The following ELP4 variants were observed in gnomAD, a reference collection of about 807,000 sequenced individuals.
The protein encoded by ELP4 is elongator complex protein 4.
A neutral mutation model predicts 48.9 loss-of-function variants in ELP4; 51 were observed. The observed-to-expected ratio is 1.04, with a 90% confidence interval of 0.83 to 1.32. ELP4 has a LOEUF of 1.32. Ranked by LOEUF, ELP4 falls within the 40% of genes most tolerant of loss-of-function variation. The pLI is 0.00. For missense variants in ELP4, 519 were observed against 514.6 expected (o/e 1.01, Z -0.08); for synonymous variants, 210 against 189.2 (o/e 1.11, Z -0.90).
At chr11:31,772,591 CAG>C (rs1260302174) in intron 9 of ELP4, among the ~76,000 whole-genome samples, 1 of 152,162 alleles carries the variant, frequency 6.6e-6, no homozygotes, top group African/African-American at 2.4e-5. Context: ...TTCTGGCACA[CAG>C]AGTGTAAACT....
At chr11:31,774,426 G>T (rs1484852765) in intron 9 of ELP4, among the ~76,000 whole-genome samples, 1 of 152,132 alleles carries the variant, frequency 6.6e-6, no homozygotes, top group Non-Finnish European at 1.5e-5. Flanking sequence ...AAACAGTTGG[G>T]TATTTTCAAC....
intron 2 of ELP4, among the ~76,000 whole-genome samples, chr11:31,530,035 C>T (rs1465897243): frequency 6.6e-6 from 1 of 152,144 alleles, no homozygotes; most frequent in Non-Finnish European, 1.5e-5. Flanking sequence ...TTCTTACTTT[C>T]CCAGTATAGG....
chr11:31,607,594 C>T (rs753144896), intron 5 of ELP4, among the ~76,000 whole-genome samples: 1 of 152,180 alleles, frequency 6.6e-6, no homozygotes, highest in Non-Finnish European at 1.5e-5. Flanking sequence ...TCTCTTAATA[C>T]TATCACATTG....
intron 3 of ELP4, among the ~76,000 whole-genome samples, chr11:31,560,054 C>G (rs747819072): frequency 2.0e-5 from 3 of 152,012 alleles, no homozygotes; most frequent in South Asian, 2.1e-4. Context: ...TTGCTTGTGT[C>G]CTTTTTCATA....
chr11:31,637,200 C>G (rs1426958301), intron 7 of ELP4: 2 of 151,660 alleles, frequency 1.3e-5, no homozygotes, highest in Non-Finnish European at 2.9e-5. Flanking sequence ...TGTGTACAGC[C>G]CTCCATGTTA....
At chr11:31,587,696 A>G (rs186357212) in intron 3 of ELP4, among the ~76,000 whole-genome samples, 10 of 152,060 alleles carry the variant, frequency 6.6e-5, no homozygotes, top group African/African-American at 2.4e-4. Context: ...TGTTATGGTA[A>G]TATTTTTCTA....
chr11:31,538,065 A>G (rs1956530523), intron 2 of ELP4, among the ~76,000 whole-genome samples: 1 of 152,124 alleles, frequency 6.6e-6, no homozygotes, highest in South Asian at 2.1e-4. Flanking sequence ...GAACTAATTC[A>G]TACACATATT....
chr11:31,708,084 A>T (rs968610555), intron 9 of ELP4, among the ~76,000 whole-genome samples: 1 of 152,148 alleles, frequency 6.6e-6, no homozygotes, highest in Non-Finnish European at 1.5e-5. Flanking sequence ...TCAATTTTTT[A>T]AAAATATCAT....
rs117805916 is a variant in ELP4, at chr11:31,561,927, G to A, written c.381+22144G>A. 2.6e-4 allele frequency among the ~76,000 whole-genome samples: 40 copies of A among 152,212 alleles called. No homozygotes were observed. In the East Asian group the frequency reaches 7.7e-3, roughly 29 times the overall value. ...TTGATATGGGTGAGAAAATAATTATGGAATCTATTATCAGAATGCCTTGAA... is the reference window on the plus strand; with the variant it reads ...TTGATATGGGTGAGAAAATAATTATAGAATCTATTATCAGAATGCCTTGAA... On this transcript the variant is annotated intron_variant, in intron 3 of 9. Coordinates refer to ENST00000640961, the MANE Select transcript of ELP4 (RefSeq NM_019040.5).
chr11:31,720,828 A>G (rs1380224465), intron 9 of ELP4, among the ~76,000 whole-genome samples: 1 of 152,204 alleles, frequency 6.6e-6, no homozygotes, highest in Non-Finnish European at 1.5e-5. Flanking sequence ...GCACTGCAAG[A>G]TAAAGCAAAA....
chr11:31,544,675 T>C (rs905883286), intron 3 of ELP4, among the ~76,000 whole-genome samples: 2 of 152,182 alleles, frequency 1.3e-5, no homozygotes, highest in Non-Finnish European at 2.9e-5. Context: ...CAGCTGGAGA[T>C]CTGAGGATGG....
At chr11:31,571,570 G>A (rs1237221935) in intron 3 of ELP4, among the ~76,000 whole-genome samples, 1 of 152,084 alleles carries the variant, frequency 6.6e-6, no homozygotes, top group African/African-American at 2.4e-5. Flanking sequence ...AATCTTCCCA[G>A]GTTTTCAATT....
chr11:31,685,947 AT>A (rs1347094301), intron 9 of ELP4, among the ~76,000 whole-genome samples: 2 of 148,556 alleles, frequency 1.3e-5, no homozygotes, highest in Non-Finnish European at 3.0e-5. Context: ...AAAAAAAAAA[AT>A]CTTTCCTATA....
At chr11:31,771,674 C>G (rs1948145414) in intron 9 of ELP4, among the ~76,000 whole-genome samples, 1 of 152,110 alleles carries the variant, frequency 6.6e-6, no homozygotes, top group East Asian at 1.9e-4. Flanking sequence ...CTTATGAATC[C>G]CTTCTCAAAA....
At chr11:31,658,108 AT>A (rs1592197727) in intron 9 of ELP4, among the ~76,000 whole-genome samples, 5 of 151,940 alleles carry the variant, frequency 3.3e-5, no homozygotes, top group Admixed American at 6.6e-5. Context: ...ACCACCAACT[AT>A]CTGCCATGCC....
chr11:31,733,418 A>G (rs1318893544), intron 9 of ELP4, among the ~76,000 whole-genome samples: 3 of 144,336 alleles, frequency 2.1e-5, no homozygotes, highest in Non-Finnish European at 3.0e-5. Flanking sequence ...TGGAGGTTGC[A>G]GTGAGCCAAG....
chr11:31,660,416 C>T (rs1945530492), intron 9 of ELP4, among the ~76,000 whole-genome samples: 1 of 152,056 alleles, frequency 6.6e-6, no homozygotes, highest in Non-Finnish European at 1.5e-5. Context: ...AGTGGATTGC[C>T]CTTGTTGATC....
At position 31,790,032 on chromosome 11, in the gene ELP4, G is replaced by A. The variant is rs2134386969; in HGVS notation, c.*6508G>A. 7.5e-7 allele frequency: 1 copy of A among 1,338,684 alleles called. No individual in the cohort carries two copies. Among genetic ancestry groups the A allele is most frequent in the South Asian group, 1.2e-5 (1 of 85,702 alleles). The allele number at this position is 1,338,684 out of a possible 1,614,324, so 82.9% of individuals were successfully genotyped here. On this transcript the variant is annotated 3_prime_UTR_variant, in exon 10 of 10. Coordinates refer to ENST00000640961, the MANE Select transcript of ELP4 (RefSeq NM_019040.5). ...GGGGAAATGAGTCCTAGAAGTGGATGAAAGAAATAGCCATGTAGATATTCC... is the reference window on the plus strand; with the variant it reads ...GGGGAAATGAGTCCTAGAAGTGGATAAAAGAAATAGCCATGTAGATATTCC...
intron 3 of ELP4, among the ~76,000 whole-genome samples, chr11:31,541,228 G>A (rs1289365557): frequency 1.3e-5 from 2 of 152,070 alleles, no homozygotes; most frequent in Admixed American, 6.6e-5. Context: ...AAAATAATTC[G>A]TTCATATGAT....
Sources: gnomAD v4.1 joint callset for allele counts (sites outside exome capture counted in the v4.1 genomes callset) on GRCh38, gnomAD v4.1.1 for gene constraint, MANE v1.5 for transcripts, NCBI Gene and HGNC (gene_info 2026-07-23, HGNC 2026-07-21) for gene names.